Variants in FLT1 observed in about 807,000 individuals in gnomAD.
FLT1 encodes vascular endothelial growth factor receptor 1.
Under a neutral mutation model 156.3 loss-of-function variants are expected in FLT1, and 49 were observed. The observed-to-expected ratio is 0.31, with a 90% CI of 0.25 to 0.40. The LOEUF is 0.40. Ranked by LOEUF, FLT1 falls within the 10% of genes least tolerant of loss-of-function variation. The probability of loss-of-function intolerance (pLI) is 1.00; values close to 1 mark genes in which losing one functional copy is unlikely to be tolerated. For missense variants in FLT1, 1,322 were observed against 1,637.2 expected, an observed-to-expected ratio of 0.81 and a Z score of 3.32; for synonymous variants, 594 against 583.8, an observed-to-expected ratio of 1.02 and a Z score of -0.25.
intron 1 of FLT1, among the ~76,000 whole-genome samples, chr13:28,483,471 A>T (rs1051974823): frequency 2.0e-5 from 3 of 152,194 alleles, no homozygotes; most frequent in African/African-American, 7.2e-5. Context: ...CAAACGTTCC[A>T]GCTTTTTCTT....
chr13:28,401,707 T>G (rs2137482745), intron 11 of FLT1, among the ~76,000 whole-genome samples: 1 of 152,340 alleles, frequency 6.6e-6, no homozygotes, highest in African/African-American at 2.4e-5. Flanking sequence ...TTGAGCCAAC[T>G]GATGGGAAAA....
rs58778671 is a variant in FLT1, at chr13:28,303,009, CAAAA to C, written c.*154_*157del. 1.4e-5 allele frequency: 8 copies of C among 557,758 alleles called. No homozygotes were observed. The highest frequency in any genetic ancestry group is 2.2e-5 in the South Asian group (1 of 44,728). The allele number at this position is 557,758 out of a possible 1,614,324, so 34.6% of individuals were successfully genotyped here. A position where few individuals can be genotyped will look rare whatever the true frequency, so the allele number is the denominator to read the frequency against. ...TATCTGGAGTTACATTCTTGTTAGT[CAAAA>C]AAAAAAAAGCACTATTAAAAAAATC... On this transcript the variant is annotated 3_prime_UTR_variant, in exon 30 of 30. Transcript: ENST00000282397.
intron 3 of FLT1, among the ~76,000 whole-genome samples, chr13:28,459,284 G>A (rs895867175): frequency 6.6e-6 from 1 of 151,532 alleles, no homozygotes; most frequent in Non-Finnish European, 1.5e-5. Flanking sequence ...GGAAAAACAG[G>A]ATCCATCACC....
rs376760787 is a variant in FLT1, at chr13:28,334,005, C to G, written c.2593+20G>C. The G allele has an allele frequency of 2.4e-5, 37 of 1,510,746 alleles. No individual in the cohort carries two copies. The African/African-American group carries it at 4.4e-4, about 18-fold the overall frequency. The allele number at this position is 1,510,746 out of a possible 1,614,324, so 93.6% of individuals were successfully genotyped here. ...AAAATGGTGATGGGTCAGTTGAAAGCCAAACTACAGCATACATACCTTTCA... is the reference window on the plus strand; with the variant it reads ...AAAATGGTGATGGGTCAGTTGAAAGGCAAACTACAGCATACATACCTTTCA... On this transcript the variant is annotated intron_variant, in intron 18 of 29. Coordinates refer to ENST00000282397, the MANE Select transcript of FLT1 (RefSeq NM_002019.4).
At chr13:28,389,140 T>G in intron 13 of FLT1, 1 of 1,028,780 alleles carries the variant, frequency 9.7e-7, no homozygotes, top group Non-Finnish European at 1.2e-6. Flanking sequence ...ATAAATGTGC[T>G]TAACGTAAAA....
chr13:28,432,224 T>C (rs554642016), intron 6 of FLT1, among the ~76,000 whole-genome samples: 155 of 151,790 alleles, frequency 1.0e-3, no homozygotes, highest in Non-Finnish European at 1.8e-3. Flanking sequence ...CTTTGGGAGC[T>C]GTCCAGAACT....
chr13:28,403,595 A>C (rs1875597883), intron 11 of FLT1, among the ~76,000 whole-genome samples: 1 of 152,210 alleles, frequency 6.6e-6, no homozygotes, highest in African/African-American at 2.4e-5. Context: ...TTCTTGTGTT[A>C]ATATCCGGCA....
chr13:28,412,356 CTTTCTTTCTT>C (rs1876296900), intron 10 of FLT1, among the ~76,000 whole-genome samples: 6 of 106,468 alleles, frequency 5.6e-5, no homozygotes, highest in Admixed American at 2.1e-4. Context: ...CTTTCTCTTT[CTTTCTTTCTT>C]TCTTTCTTTC....
At chr13:28,407,015 GC>G (rs1026043423) in intron 10 of FLT1, among the ~76,000 whole-genome samples, 36 of 152,202 alleles carry the variant, frequency 2.4e-4, no homozygotes, top group African/African-American at 8.2e-4. Flanking sequence ...AGGGGTACTG[GC>G]CCTGTAACGT....
chr13:28,320,276 C>G (rs1452918977), intron 23 of FLT1, among the ~76,000 whole-genome samples: 3 of 152,102 alleles, frequency 2.0e-5, no homozygotes, highest in Non-Finnish European at 4.4e-5. Flanking sequence ...TCTCTCCAGA[C>G]CAGGGCCCCA....
chr13:28,449,907 A>G (rs1878834045), intron 3 of FLT1, among the ~76,000 whole-genome samples: 1 of 152,226 alleles, frequency 6.6e-6, no homozygotes, highest in Non-Finnish European at 1.5e-5. Context: ...AAGGAGGAAC[A>G]GGAGTGGTGG....
Position 28,352,965 on chromosome 13 carries a change from A to G in FLT1, c.2248+4589T>C, listed in dbSNP as rs570258701. Reference sequence around the variant, plus strand: ...AAGCAGTGACTGAAGACCCATGGCCATATTGTTTTCAGTTTTTTCTGTTAT... The same window carrying G: ...AAGCAGTGACTGAAGACCCATGGCCGTATTGTTTTCAGTTTTTTCTGTTAT... On this transcript the variant is annotated intron_variant, in intron 15 of 29. Transcript: ENST00000282397. Among the ~76,000 whole-genome samples, 4 of 152,324 alleles carry G rather than the reference A, an allele frequency of 2.6e-5. No individual in the cohort carries two copies. In the East Asian group the frequency reaches 7.7e-4, roughly 29 times the overall value.
chr13:28,362,740 A>G (rs769144948), intron 14 of FLT1, among the ~76,000 whole-genome samples: 8 of 152,190 alleles, frequency 5.3e-5, no homozygotes, highest in Non-Finnish European at 1.0e-4. Flanking sequence ...TCACTCAAGG[A>G]GAGTGTGTAA....
chr13:28,358,509 G>A (rs1225753406), intron 14 of FLT1, among the ~76,000 whole-genome samples: 2 of 152,146 alleles, frequency 1.3e-5, no homozygotes, highest in Non-Finnish European at 2.9e-5. Flanking sequence ...ACAGTGTAGT[G>A]GAAGGAGTCC....
rs531785690 is a variant in FLT1 at position 28,412,350 on chromosome 13, C to CTCTT, written c.1437-6460_1437-6457dup. ...CTTTCTTTTCTTTCTTTCTTTCTTT[C>CTCTT]TCTTTCTTTCTTTCTTTCTTTCTTT... On this transcript the variant is annotated intron_variant, in intron 10 of 29. Transcript: ENST00000282397. Among the ~76,000 whole-genome samples, 431 of 93,756 alleles carry CTCTT rather than the reference C, an allele frequency of 4.6e-3. 10 individuals carry two copies. The highest frequency in any genetic ancestry group is 0.015 in the African/African-American group (399 of 26,460). 61.5% of individuals were successfully genotyped at this position (93,756 alleles called of 152,430 possible).
chr13:28,309,884 CTTTTTTT>C (rs60568918), intron 27 of FLT1, among the ~76,000 whole-genome samples: 41 of 90,870 alleles, frequency 4.5e-4, no homozygotes, highest in African/African-American at 5.5e-4. Flanking sequence ...TTCTTTTTTC[CTTTTTTT>C]TTTTTTTTTT....
At chr13:28,388,653 C>T (rs559672081) in intron 13 of FLT1, 6 of 1,055,606 alleles carry the variant, frequency 5.7e-6, no homozygotes, top group Middle Eastern at 4.3e-4. Flanking sequence ...GTAGTTTTGC[C>T]GCTTCTTAAT....
chr13:28,476,448 T>G (rs1040079457), intron 1 of FLT1, among the ~76,000 whole-genome samples: 14 of 152,320 alleles, frequency 9.2e-5, no homozygotes, highest in Admixed American at 7.8e-4. Context: ...GTAATTGTGT[T>G]ATTGGTCTTT....
chr13:28,434,277 G>A, intron 4 of FLT1, 57 bp from the exon 5 acceptor site: 1 of 1,476,446 alleles, frequency 6.8e-7, no homozygotes, highest in East Asian at 2.3e-5. Context: ...TGGCAATACT[G>A]TTTCACCAGC....
Sources: allele counts gnomAD v4.1 joint callset (sites outside exome capture counted in the v4.1 genomes callset), GRCh38; gene constraint gnomAD v4.1.1; transcripts MANE v1.5; gene names NCBI Gene and HGNC (gene_info 2026-07-23, HGNC 2026-07-21).